Variants in KCNH1 observed in about 807,000 individuals in gnomAD.
KCNH1 encodes the protein potassium voltage-gated channel subfamily H member 1, also known as voltage-gated delayed rectifier potassium channel KCNH1.
In KCNH1, 27 loss-of-function variants were observed where a neutral mutation model predicts 69.2. The observed-to-expected ratio is 0.39, with a 90% CI of 0.29 to 0.54. The LOEUF is 0.54. KCNH1 is among the 20% of genes least tolerant of loss of function. The probability of loss-of-function intolerance (pLI) is 0.68; values close to 1 mark genes in which losing one functional copy is unlikely to be tolerated. For missense variants in KCNH1, 798 were observed against 1,261.6 expected (o/e 0.63, Z 5.57); for synonymous variants, 456 against 487.7 (o/e 0.93, Z 0.86).
At chr1:211,041,367 G>A (rs1689992184) in intron 5 of KCNH1, among the ~76,000 whole-genome samples, 1 of 152,104 alleles carries the variant, frequency 6.6e-6, no homozygotes, top group Non-Finnish European at 1.5e-5. Flanking sequence ...GTGCAGCTTA[G>A]CTCCCCCTTC....
rs146618705 is a variant in KCNH1 at position 210,719,607 on chromosome 1, A to C, written c.2113-35469T>G. ...AATACCTAATGCATGCAGGGCTTAAAACCTAGAAGACAGGTTGATAGGTGC... is the reference window on the plus strand; with the variant it reads ...AATACCTAATGCATGCAGGGCTTAACACCTAGAAGACAGGTTGATAGGTGC... On this transcript the variant is annotated intron_variant, in intron 10 of 10. Coordinates refer to ENST00000271751, the MANE Select transcript of KCNH1 (RefSeq NM_172362.3). 8.7e-3 allele frequency among the ~76,000 whole-genome samples: 1,328 copies of C among 152,228 alleles called. 16 individuals carry two copies. The highest frequency in any genetic ancestry group is 0.03 in the African/African-American group (1,261 of 41,520).
At chr1:211,065,453 AGACT>A (rs1244822320) in intron 5 of KCNH1, among the ~76,000 whole-genome samples, 1 of 152,240 alleles carries the variant, frequency 6.6e-6, no homozygotes, top group East Asian at 1.9e-4. Context: ...AGTAGAGAGT[AGACT>A]GGTGGTTACC....
At position 210,920,006 on chromosome 1, in the gene KCNH1, G is replaced by A. The variant is rs756538294; in HGVS notation, c.1096C>T (p.Arg366Cys). 3 of 1,614,022 alleles carry A rather than the reference G, an allele frequency of 1.9e-6. No individual in the cohort carries two copies. The highest frequency in any genetic ancestry group is 2.7e-5 in the African/African-American group (2 of 74,906). The stretch of plus-strand genomic sequence containing the variant: ...TATTCAATGTAGTGGTCCAGCTTAC[G>A]GGCCACTCGCCCAAGACGGAGCAGC... ...VRLLRLGRVA[R>C]KLDHYIEYGA... Residue 366 changes from arginine to cysteine, a missense_variant, in exon 7 of 11, where the codon CGT becomes TGT. Physicochemically the swap from Arg to Cys is radical, Grantham distance 180. Transcript: ENST00000271751.
At chr1:210,699,042 T>C (rs982342261) in intron 10 of KCNH1, among the ~76,000 whole-genome samples, 2 of 152,200 alleles carry the variant, frequency 1.3e-5, no homozygotes, top group South Asian at 2.1e-4. Context: ...TCCAGCTGGG[T>C]CTCTACCTCA....
chr1:210,768,565 C>T (rs1305042612), intron 10 of KCNH1, among the ~76,000 whole-genome samples: 1 of 152,214 alleles, frequency 6.6e-6, no homozygotes, highest in Non-Finnish European at 1.5e-5. Context: ...TCACTCTTTC[C>T]CATCACTACC....
chr1:210,682,680 C>T lies in KCNH1; in HGVS notation c.*601G>A, dbSNP rs188613857. 609 of 153,178 alleles carry T rather than the reference C, an allele frequency of 4.0e-3. 3 individuals carry two copies. Among genetic ancestry groups the T allele is most frequent in the Non-Finnish European group, 4.1e-3 (284 of 68,696 alleles). The allele number at this position is 153,178 out of a possible 1,614,324, so 9.5% of individuals were successfully genotyped here. On this transcript the variant is annotated 3_prime_UTR_variant, in exon 11 of 11. Transcript: ENST00000271751. ...TTCAAGTGTCTATGGGAGGCATGCA[C>T]CACACCTGCAGCTGCTTTTCTGGCC...
chr1:210,886,502 A>G (rs540911209), intron 7 of KCNH1, among the ~76,000 whole-genome samples: 3 of 152,276 alleles, frequency 2.0e-5, no homozygotes, highest in African/African-American at 7.2e-5. Context: ...CCAAAGGATC[A>G]CAGCTCCTCA....
chr1:210,951,895 C>T (rs976925559), intron 6 of KCNH1, among the ~76,000 whole-genome samples: 2 of 152,136 alleles, frequency 1.3e-5, no homozygotes, highest in Non-Finnish European at 2.9e-5. Context: ...TCCTTACTCC[C>T]TCATGCAAAA....
At chr1:210,872,665 G>C (rs1159978020) in intron 7 of KCNH1, among the ~76,000 whole-genome samples, 1 of 152,120 alleles carries the variant, frequency 6.6e-6, no homozygotes, top group Non-Finnish European at 1.5e-5. Context: ...GCAAGAGAGA[G>C]AGTGGGGAGG....
chr1:210,938,517 G>A (rs1687819215), intron 6 of KCNH1, among the ~76,000 whole-genome samples: 1 of 152,134 alleles, frequency 6.6e-6, no homozygotes, highest in Non-Finnish European at 1.5e-5. Context: ...CTGTCTTCTA[G>A]ATAAAATTCC....
chr1:211,096,167 G>A (rs1454588170), intron 3 of KCNH1, among the ~76,000 whole-genome samples: 3 of 152,070 alleles, frequency 2.0e-5, no homozygotes, highest in Non-Finnish European at 2.9e-5. Flanking sequence ...AGGCTCAAGC[G>A]ATTCTCCTGC....
chr1:210,685,836 A>G (rs1444670130), intron 10 of KCNH1, among the ~76,000 whole-genome samples: 1 of 152,236 alleles, frequency 6.6e-6, no homozygotes, highest in Non-Finnish European at 1.5e-5. Context: ...TGCCCAACAC[A>G]GAGAAGCCAA....
At chr1:210,726,853 A>G (rs1682608863) in intron 10 of KCNH1, among the ~76,000 whole-genome samples, 2 of 152,178 alleles carry the variant, frequency 1.3e-5, no homozygotes, top group Admixed American at 1.3e-4. Context: ...TTAAAAGTGC[A>G]GGTTCCAGCT....
At chr1:210,973,802 C>T (rs1688554124) in intron 6 of KCNH1, among the ~76,000 whole-genome samples, 1 of 152,110 alleles carries the variant, frequency 6.6e-6, no homozygotes, top group Non-Finnish European at 1.5e-5. Context: ...AACCATTTCA[C>T]TATTATGAGA....
At chr1:211,037,880 C>A (rs1254925664) in intron 5 of KCNH1, among the ~76,000 whole-genome samples, 1 of 152,066 alleles carries the variant, frequency 6.6e-6, no homozygotes, top group Admixed American at 6.5e-5. Flanking sequence ...CAGTCTTTCC[C>A]CTGCTATTCT....
chr1:211,024,940 A>G (rs998545232), intron 5 of KCNH1, among the ~76,000 whole-genome samples: 3 of 152,166 alleles, frequency 2.0e-5, no homozygotes, highest in Admixed American at 6.5e-5. Context: ...CTAGCAAGAG[A>G]TGGTGACAGG....
intron 5 of KCNH1, among the ~76,000 whole-genome samples, chr1:211,029,334 T>TAAAA (rs58241322): frequency 0.15 from 3,388 of 23,072 alleles, 563 homozygotes; most frequent in African/African-American, 0.15. Flanking sequence ...TCCTGTCACT[T>TAAAA]AAAAAAAAAA....
intron 5 of KCNH1, among the ~76,000 whole-genome samples, chr1:211,038,798 T>C (rs182209054): frequency 7.2e-5 from 11 of 152,312 alleles, no homozygotes; most frequent in Admixed American, 2.6e-4. Flanking sequence ...CAGTAAAGCA[T>C]TCAAGATGTG....
intron 9 of KCNH1, among the ~76,000 whole-genome samples, chr1:210,779,802 C>T (rs1427040723): frequency 6.6e-6 from 1 of 152,096 alleles, no homozygotes; most frequent in Non-Finnish European, 1.5e-5. Flanking sequence ...ATAATTAATC[C>T]TCCTCCTCTT....
Sources: allele counts gnomAD v4.1 joint callset (sites outside exome capture counted in the v4.1 genomes callset), GRCh38; gene constraint gnomAD v4.1.1; transcripts MANE v1.5; gene names NCBI Gene and HGNC (gene_info 2026-07-23, HGNC 2026-07-21).